Variants in SPAG17 observed in about 807,000 individuals in gnomAD.
The protein encoded by SPAG17 is sperm-associated antigen 17.
A neutral mutation model predicts 273.6 loss-of-function variants in SPAG17; 169 were observed. The ratio of observed to expected loss-of-function variants is 0.62; its 90% CI spans 0.55 to 0.70. SPAG17 has a LOEUF of 0.70. Ranked by LOEUF, SPAG17 falls within the 30% of genes least tolerant of loss-of-function variation. The pLI, the probability that SPAG17 is intolerant of heterozygous loss-of-function variation, is 0.00. For synonymous variants in SPAG17, 825 were observed against 873.2 expected, an observed-to-expected ratio of 0.94 and a Z score of 0.97; for missense variants, 2,557 against 2,627.8, an observed-to-expected ratio of 0.97 and a Z score of 0.59.
chr1:117,982,948 T>C (rs534544905), intron 42 of SPAG17, among the ~76,000 whole-genome samples: 1 of 152,324 alleles, frequency 6.6e-6, no homozygotes, highest in East Asian at 1.9e-4. Context: ...TTTCTCTGTT[T>C]CCTCTTGATT....
intron 3 of SPAG17, among the ~76,000 whole-genome samples, chr1:118,126,908 A>G (rs12405575): frequency 2.8e-4 from 43 of 152,248 alleles, no homozygotes; most frequent in Admixed American, 4.6e-4. Flanking sequence ...CTGCATATGG[A>G]TATCCAGTTT....
chr1:118,124,560 T>C (rs1037823017), intron 3 of SPAG17, among the ~76,000 whole-genome samples: 2 of 152,228 alleles, frequency 1.3e-5, no homozygotes, highest in Non-Finnish European at 2.9e-5. Context: ...TGATTGTTTA[T>C]AGCTGCAATT....
intron 15 of SPAG17, 142 bp from the exon 16 acceptor site, chr1:118,074,742 CAGAA>C (rs1360813739): frequency 9.9e-6 from 7 of 709,102 alleles, no homozygotes; most frequent in Non-Finnish European, 1.7e-5. Context: ...TTTGTGCCTC[CAGAA>C]AGGTGTTTGT....
intron 3 of SPAG17, among the ~76,000 whole-genome samples, chr1:118,128,768 A>G (rs1256327931): frequency 6.6e-6 from 1 of 152,176 alleles, no homozygotes; most frequent in African/African-American, 2.4e-5. Context: ...TTCTCAGACT[A>G]GAGGTTGCTG....
chr1:118,153,238 C>T (rs969389402), intron 1 of SPAG17, among the ~76,000 whole-genome samples: 3 of 152,132 alleles, frequency 2.0e-5, no homozygotes, highest in South Asian at 2.1e-4. Flanking sequence ...GTGAATCTGC[C>T]ATGCGTCAGG....
intron 18 of SPAG17, among the ~76,000 whole-genome samples, chr1:118,061,679 G>A (rs569319749): frequency 1.3e-5 from 2 of 152,234 alleles, no homozygotes; most frequent in African/African-American, 4.8e-5. Flanking sequence ...TTAACATAAT[G>A]GGTATGTTTA....
In SPAG17 at chr1:118,085,985, G is replaced by C. The variant is rs781113382; in HGVS notation, c.1699C>G (p.Pro567Ala). The change falls in exon 13 of 49, where the codon CCA becomes GCA. Residue 567 changes from proline (P) to alanine (A), a missense_variant. Transcript: ENST00000336338. ...LWEFLQFPLP[P>A]PWNNTKRLAT... ...AGACGTTTAGTGTTGTTCCATGGTG[G>C]GGGTAGAGGGAATTGAAGAAATTCC... is the stretch of plus-strand genomic sequence containing the variant. The C allele has an allele frequency of 8.1e-6, 13 of 1,613,792 alleles. No homozygotes were observed. Among genetic ancestry groups the C allele is most frequent in the East Asian group, 2.2e-5 (1 of 44,864 alleles).
intron 6 of SPAG17, 114 bp from the exon 7 acceptor site, chr1:118,097,965 GTAAA>G (rs1570689459): frequency 3.7e-6 from 2 of 535,182 alleles, no homozygotes; most frequent in Non-Finnish European, 5.9e-6. Flanking sequence ...ACCAGAAAAT[GTAAA>G]TAAAGGAATG....
At chr1:118,047,235 G>A (rs1338276358) in intron 20 of SPAG17, among the ~76,000 whole-genome samples, 1 of 152,178 alleles carries the variant, frequency 6.6e-6, no homozygotes, top group African/African-American at 2.4e-5. Flanking sequence ...CAGCAAGATG[G>A]TGGAATAGGA....
chr1:118,081,454 CAT>C lies in SPAG17; in HGVS notation c.1949_1950del (p.Tyr650CysfsTer16), dbSNP rs777183588. 6.2e-7 allele frequency: 1 copy of C among 1,613,818 alleles called. No homozygotes were observed. The highest frequency in any genetic ancestry group is 1.1e-5 in the South Asian group (1 of 91,068). On this transcript the variant is annotated frameshift_variant, in exon 14 of 49. Transcript: ENST00000336338. LOFTEE classifies it high-confidence loss of function. The stretch of plus-strand genomic sequence containing the variant: ...GCCTCTTGAGTATTCATTTTCATGA[CAT>C]ATTGCTGCCTTATCTGTTTAGCAAA... ...ARFAKQIRQQ[Y>X]VMKMNTQEAK...
At chr1:117,978,170 GTCCCTC>G (rs1014179511) in intron 43 of SPAG17, among the ~76,000 whole-genome samples, 6 of 152,270 alleles carry the variant, frequency 3.9e-5, no homozygotes, top group African/African-American at 1.4e-4. Context: ...TACACAAGCA[GTCCCTC>G]CCTTCTTGTT....
chr1:118,050,240 GTCAAAAGGTCAAA>G (rs1437801786), intron 20 of SPAG17, among the ~76,000 whole-genome samples: 1 of 152,152 alleles, frequency 6.6e-6, no homozygotes, highest in Non-Finnish European at 1.5e-5. Context: ...AAAACACCAA[GTCAAAAGGTCAAA>G]CTGTGCACTT....
intron 3 of SPAG17, among the ~76,000 whole-genome samples, chr1:118,116,187 G>A (rs1458077829): frequency 6.6e-6 from 1 of 152,016 alleles, no homozygotes; most frequent in African/African-American, 2.4e-5. Context: ...TTTCCTTGGA[G>A]CCCTATAACC....
intron 30 of SPAG17, among the ~76,000 whole-genome samples, chr1:118,009,385 A>T: frequency 6.6e-6 from 1 of 152,264 alleles, no homozygotes; most frequent in Middle Eastern, 3.4e-3. Flanking sequence ...AATATATCCA[A>T]TAAAAACATT....
intron 18 of SPAG17, among the ~76,000 whole-genome samples, chr1:118,057,766 G>T (rs566588035): frequency 4.4e-4 from 67 of 152,046 alleles, no homozygotes; most frequent in African/African-American, 1.5e-3. Context: ...ACTTTACAAT[G>T]AGAAACAATA....
intron 38 of SPAG17, 111 bp downstream of exon 38, chr1:117,990,750 A>T: frequency 1.6e-6 from 1 of 631,980 alleles, no homozygotes; most frequent in African/African-American, 1.9e-5. Flanking sequence ...AAGAATGGAG[A>T]TATGTACATG....
chr1:118,165,677 G>T lies in SPAG17; in HGVS notation c.88-14308C>A, dbSNP rs1471489663. 9.9e-5 allele frequency among the ~76,000 whole-genome samples: 12 copies of T among 120,778 alleles called. No individual in the cohort carries two copies. The Middle Eastern group carries it at 0.032, about 327-fold the overall frequency. 79.2% of individuals were successfully genotyped at this position (120,778 alleles called of 152,430 possible). ...TTTTTTTTTTTTGAGACGGAGTCTCGCTCTGTCACCCAGGTTGGACTGCAG... is the reference window on the plus strand; with the variant it reads ...TTTTTTTTTTTTGAGACGGAGTCTCTCTCTGTCACCCAGGTTGGACTGCAG... On this transcript the variant is annotated intron_variant, in intron 1 of 48. Coordinates refer to ENST00000336338, the MANE Select transcript of SPAG17 (RefSeq NM_206996.4).
intron 17 of SPAG17, among the ~76,000 whole-genome samples, chr1:118,072,446 C>G (rs1653694024): frequency 6.6e-6 from 1 of 152,138 alleles, no homozygotes; most frequent in African/African-American, 2.4e-5. Context: ...CCCAGGACCA[C>G]AGCTGTGCAG....
intron 7 of SPAG17, among the ~76,000 whole-genome samples, chr1:118,096,328 T>G (rs888448257): frequency 2.0e-5 from 3 of 150,494 alleles, no homozygotes; most frequent in African/African-American, 7.3e-5. Context: ...CAGGCTTTGA[T>G]CTCACTCTTC....
Sources: allele counts gnomAD v4.1 joint callset (sites outside exome capture counted in the v4.1 genomes callset), GRCh38; gene constraint gnomAD v4.1.1; transcripts MANE v1.5; gene names NCBI Gene and HGNC (gene_info 2026-07-23, HGNC 2026-07-21).